NECAP1: variants seen among roughly 807,000 people sequenced by gnomAD.
NECAP1 encodes adaptin ear-binding coat-associated protein 1.
A neutral mutation model predicts 33.4 loss-of-function variants in NECAP1; 13 were observed. That is an observed-to-expected ratio of 0.39 (90% CI 0.25 to 0.62). The LOEUF is 0.62. Ranked by LOEUF, NECAP1 falls within the 20% of genes least tolerant of loss-of-function variation. NECAP1 has a pLI of 0.52. For synonymous variants in NECAP1, 109 were observed against 125.2 expected, an observed-to-expected ratio of 0.87 and a Z score of 0.86; for missense variants, 272 against 347.4, an observed-to-expected ratio of 0.78 and a Z score of 1.73.
chr12:8,092,105 G>A (rs1346443150), intron 4 of NECAP1: 6 of 458,672 alleles, frequency 1.3e-5, no homozygotes, highest in East Asian at 4.3e-5. Context: ...AATTTGCCCC[G>A]TCTTTTAGGT....
At chr12:8,089,550 G>A (rs141728868) in intron 1 of NECAP1, 92 of 162,924 alleles carry the variant, frequency 5.6e-4, no homozygotes, top group Middle Eastern at 6.1e-3. Flanking sequence ...TTTAGAAGAC[G>A]GGGTTTCACC....
At chr12:8,082,460 C>T (rs1334819178) in intron 1 of NECAP1, 77 bp downstream of exon 1, 1 of 1,327,604 alleles carries the variant, frequency 7.5e-7, no homozygotes, top group Non-Finnish European at 1.1e-6. Flanking sequence ...GCACGCTGTC[C>T]GTCCCTGCCA....
At chr12:8,087,587 G>A (rs973716011) in intron 1 of NECAP1, among the ~76,000 whole-genome samples, 4 of 150,538 alleles carry the variant, frequency 2.7e-5, no homozygotes, top group South Asian at 2.1e-4. Context: ...GCAGTGGGGC[G>A]ATCATAGCTC....
chr12:8,088,096 G>A (rs918612491), intron 1 of NECAP1, among the ~76,000 whole-genome samples: 4 of 152,108 alleles, frequency 2.6e-5, no homozygotes, highest in African/African-American at 9.7e-5. Flanking sequence ...ACAATGTTTT[G>A]TAAAATTCAT....
intron 1 of NECAP1, among the ~76,000 whole-genome samples, chr12:8,085,686 C>CTTCTTTTTTTTTT (rs1947481617): frequency 2.9e-5 from 3 of 104,812 alleles, no homozygotes; most frequent in African/African-American, 4.2e-5. Context: ...ACTTAATCTT[C>CTTCTTTTTTTTTT]TTTTTTTTTT....
chr12:8,090,348 A>G, intron 3 of NECAP1, 49 bp downstream of exon 3: 1 of 1,448,402 alleles, frequency 6.9e-7, no homozygotes, highest in Non-Finnish European at 9.7e-7. Flanking sequence ...AAACAGGTGA[A>G]TGCACAGCCA....
chr12:8,093,993 T>G (rs1947573022), intron 6 of NECAP1, among the ~76,000 whole-genome samples: 2 of 152,224 alleles, frequency 1.3e-5, no homozygotes, highest in Non-Finnish European at 2.9e-5. Context: ...TCTTCTCATT[T>G]GAAAAATGAG....
rs1256350520 is a variant in NECAP1, at chr12:8,093,022, A to G, written c.643A>G (p.Ile215Val). 1 of 1,613,902 alleles carries G rather than the reference A, an allele frequency of 6.2e-7. No individual in the cohort carries two copies. The highest frequency in any genetic ancestry group is 1.3e-5 in the African/African-American group (1 of 74,876). Residue 215 changes from isoleucine to valine, a missense_variant, in exon 6 of 8, where the codon ATT becomes GTT. Coordinates refer to ENST00000339754, the MANE Select transcript of NECAP1 (RefSeq NM_015509.4). Reference protein sequence around the residue: ...AISNHVTPPPIPKSNHGGSDA... With the variant: ...AISNHVTPPPVPKSNHGGSDA... ...CAGCAATCATGTCACCCCACCACCC[A>G]TTCCGAAATCTAACCATGGAGGCAG...
chr12:8,084,917 T>C (rs1028951970), intron 1 of NECAP1, among the ~76,000 whole-genome samples: 3 of 152,326 alleles, frequency 2.0e-5, no homozygotes, highest in East Asian at 3.9e-4. Context: ...GTGGCATTGA[T>C]TGAACTGTTA....
intron 1 of NECAP1, among the ~76,000 whole-genome samples, chr12:8,088,521 A>C (rs1947512942): frequency 6.6e-6 from 1 of 152,182 alleles, no homozygotes; most frequent in Non-Finnish European, 1.5e-5. Flanking sequence ...CACTTCTGCT[A>C]CCATTGTGAC....
chr12:8,091,746 G>T, intron 3 of NECAP1, 23 bp from the exon 4 acceptor site: 2 of 1,611,650 alleles, frequency 1.2e-6, no homozygotes, highest in South Asian at 1.1e-5. Context: ...CTTCCTAGTC[G>T]AGTCTTCCTA....
At position 8,090,692 on chromosome 12, in the gene NECAP1, C is replaced by T. The variant is rs765655611; in HGVS notation, c.301+393C>T. On this transcript the variant is annotated intron_variant, in intron 3 of 7. Coordinates refer to ENST00000339754, the MANE Select transcript of NECAP1 (RefSeq NM_015509.4). The stretch of plus-strand genomic sequence containing the variant: ...GCGTGGTGGCAGGTGCCTGTAATCC[C>T]GGCTACTCGGGTGGCTGAGACAGGA... The T allele has an allele frequency of 4.5e-4, 75 of 167,736 alleles. 1 individual carries two copies. The highest frequency in any genetic ancestry group is 1.4e-3 in the African/African-American group (57 of 41,710). 10.4% of individuals were successfully genotyped at this position (167,736 alleles called of 1,614,324 possible). A position where few individuals can be genotyped will look rare whatever the true frequency, so the allele number is the denominator to read the frequency against.
intron 1 of NECAP1, among the ~76,000 whole-genome samples, chr12:8,086,442 G>A (rs780794671): frequency 4.0e-4 from 60 of 151,858 alleles, no homozygotes; most frequent in Admixed American, 1.1e-3. Flanking sequence ...GTGAAACCCC[G>A]TCTCTACAAA....
chr12:8,090,434 A>G (rs1274569027), intron 3 of NECAP1, 135 bp downstream of exon 3: 1 of 735,034 alleles, frequency 1.4e-6, no homozygotes, highest in Non-Finnish European at 2.2e-6. Flanking sequence ...AAGTTGCTCT[A>G]GTTGCTAAAG....
chr12:8,093,085 T>A (rs376573243), intron 6 of NECAP1, 30 bp downstream of exon 6: 6 of 1,597,294 alleles, frequency 3.8e-6, no homozygotes, highest in East Asian at 2.2e-5. Context: ...TTTTGAGAAA[T>A]CCAATCTTAT....
chr12:8,090,002 G>A lies in NECAP1; in HGVS notation c.162G>A (p.Lys54=), dbSNP rs781624241. 6.2e-7 allele frequency: 1 copy of A among 1,614,066 alleles called. No individual in the cohort carries two copies. The highest frequency in any genetic ancestry group is 1.3e-5 in the African/African-American group (1 of 74,934). ...TGRLRITSKG[K]TAYIKLEDKV... ...GCCTCCGAATCACTTCAAAAGGGAA[G>A]ACTGCCTATATCAAACTCGAGGATA... The change falls in exon 2 of 8, where the codon AAG becomes AAA. Residue 54 remains lysine, a synonymous_variant. Coordinates refer to ENST00000339754, the MANE Select transcript of NECAP1 (RefSeq NM_015509.4).
chr12:8,082,436 T>G, intron 1 of NECAP1, 53 bp downstream of exon 1: 1 of 1,506,104 alleles, frequency 6.6e-7, no homozygotes, highest in Admixed American at 1.8e-5. Context: ...AGATGACAGC[T>G]TCCTTCTCAG....
At chr12:8,095,792 G>A (rs1947588621) in intron 7 of NECAP1, 89 bp downstream of exon 7, 13 of 1,314,626 alleles carry the variant, frequency 9.9e-6, no homozygotes, top group Non-Finnish European at 1.4e-5. Context: ...GAGAAGCAAT[G>A]GATATGCAGG....
chr12:8,084,558 C>T (rs930375452), intron 1 of NECAP1, among the ~76,000 whole-genome samples: 2 of 152,080 alleles, frequency 1.3e-5, no homozygotes, highest in African/African-American at 2.4e-5. Context: ...GCCCCTCCCC[C>T]GAGAGGCCCC....
Sources: gnomAD v4.1 joint callset for allele counts (sites outside exome capture counted in the v4.1 genomes callset) on GRCh38, gnomAD v4.1.1 for gene constraint, MANE v1.5 for transcripts, NCBI Gene and HGNC (gene_info 2026-07-23, HGNC 2026-07-21) for gene names.